Variants in NTN1 observed in about 807,000 individuals in gnomAD.
The protein encoded by NTN1 is netrin-1.
In NTN1, 11 loss-of-function variants were observed where a neutral mutation model predicts 54.2. The observed-to-expected ratio is 0.20, with a 90% CI of 0.13 to 0.34. The LOEUF (loss-of-function observed/expected upper bound fraction) is 0.34, where lower values mean the gene tolerates loss of function less well. Among genes scored for constraint, NTN1 ranks in the 10% least tolerant of loss-of-function variants. NTN1 has a pLI of 1.00. For missense variants in NTN1, 740 were observed against 893.1 expected, an observed-to-expected ratio of 0.83 and a Z score of 2.18; for synonymous variants, 371 against 382.0, an observed-to-expected ratio of 0.97 and a Z score of 0.33.
chr17:9,031,423 G>A (rs886378359), intron 2 of NTN1, among the ~76,000 whole-genome samples: 5 of 152,080 alleles, frequency 3.3e-5, no homozygotes, highest in East Asian at 1.9e-4. Context: ...GGCAATCAAC[G>A]GCAGCATGCT....
intron 6 of NTN1, among the ~76,000 whole-genome samples, chr17:9,231,499 G>A (rs1024734280): frequency 1.3e-5 from 2 of 152,210 alleles, no homozygotes; most frequent in Non-Finnish European, 2.9e-5. Context: ...GACGAGTTCC[G>A]AGCCAAGTCC....
chr17:9,162,776 C>T, intron 2 of NTN1, 37 bp from the exon 3 acceptor site: 1 of 1,577,114 alleles, frequency 6.3e-7, no homozygotes, highest in Non-Finnish European at 8.7e-7. Context: ...CTCCCCGCGC[C>T]CCTGCGGCTG....
At chr17:9,119,725 T>TG (rs2092226362) in intron 2 of NTN1, among the ~76,000 whole-genome samples, 1 of 152,142 alleles carries the variant, frequency 6.6e-6, no homozygotes, top group African/African-American at 2.4e-5. Context: ...CTCGAACTCC[T>TG]GGCCTCAAGC....
chr17:9,057,970 C>T (rs2091984451), intron 2 of NTN1, among the ~76,000 whole-genome samples: 1 of 152,234 alleles, frequency 6.6e-6, no homozygotes, highest in Non-Finnish European at 1.5e-5. Context: ...TCACTGCAAC[C>T]TCCGCCTCCT....
At chr17:9,101,108 T>A (rs1017933214) in intron 2 of NTN1, among the ~76,000 whole-genome samples, 4 of 152,240 alleles carry the variant, frequency 2.6e-5, no homozygotes, top group African/African-American at 9.7e-5. Context: ...TTATTTGTGG[T>A]GTTTATCACA....
At chr17:9,200,229 A>C (rs1904744381) in intron 5 of NTN1, among the ~76,000 whole-genome samples, 1 of 152,230 alleles carries the variant, frequency 6.6e-6, no homozygotes, top group Non-Finnish European at 1.5e-5. Flanking sequence ...ATAGAGAGCC[A>C]ACTGGTTCCC....
chr17:9,191,870 A>AG (rs1186372544), intron 5 of NTN1, among the ~76,000 whole-genome samples: 1 of 92,948 alleles, frequency 1.1e-5, no homozygotes, highest in Non-Finnish European at 2.4e-5. Flanking sequence ...GCTACTAAAA[A>AG]AAAAAAAAAA....
chr17:9,026,382 G>A (rs1449754012), intron 2 of NTN1, among the ~76,000 whole-genome samples: 2 of 114,562 alleles, frequency 1.7e-5, no homozygotes, highest in East Asian at 4.4e-4. Context: ...TGCAGTTTTG[G>A]ATTTCTTCCG....
intron 2 of NTN1, among the ~76,000 whole-genome samples, chr17:9,099,891 A>G (rs1253488901): frequency 6.6e-6 from 1 of 152,224 alleles, no homozygotes; most frequent in Admixed American, 6.5e-5. Flanking sequence ...TAAATAAACA[A>G]TGTGACAAAA....
intron 2 of NTN1, among the ~76,000 whole-genome samples, chr17:9,094,473 T>C (rs1270407799): frequency 2.0e-5 from 3 of 152,174 alleles, no homozygotes; most frequent in Non-Finnish European, 2.9e-5. Flanking sequence ...TATGTACATA[T>C]AAATGTGTAT....
At chr17:9,202,049 CACACACAAAAAAAAAAAAA>C (rs1904804246) in intron 5 of NTN1, among the ~76,000 whole-genome samples, 1 of 26,842 alleles carries the variant, frequency 3.7e-5, no homozygotes, top group Non-Finnish European at 7.1e-5. Context: ...CACACACACA[CACACACAAAAAAAAAAAAA>C]AAAAAAAAAA....
rs16957986 is a variant in NTN1, at chr17:9,182,564, G to A, written c.1358-352G>A. 1.6e-4 allele frequency among the ~76,000 whole-genome samples: 24 copies of A among 152,364 alleles called. No homozygotes were observed. In the East Asian group the frequency reaches 4.4e-3, roughly 28 times the overall value. ...AGCAGGGCCCAGGTAGCCACATCAC[G>A]ATGAGCAGAGTGGCCTGGGGAAGCC... is the stretch of plus-strand genomic sequence containing the variant. On this transcript the variant is annotated intron_variant, in intron 4 of 6. Transcript: ENST00000173229.
chr17:9,097,637 G>A (rs1468781457), intron 2 of NTN1, among the ~76,000 whole-genome samples: 1 of 151,506 alleles, frequency 6.6e-6, no homozygotes, highest in African/African-American at 2.4e-5. Context: ...AACAAAAAAA[G>A]AAAAACAAAA....
At chr17:9,207,984 G>A (rs538182668) in intron 5 of NTN1, among the ~76,000 whole-genome samples, 13 of 152,222 alleles carry the variant, frequency 8.5e-5, no homozygotes, top group South Asian at 2.1e-4. Context: ...CTGTAATCCC[G>A]GCACTTTGGG....
At chr17:9,134,489 C>T (rs2092275183) in intron 2 of NTN1, among the ~76,000 whole-genome samples, 1 of 152,198 alleles carries the variant, frequency 6.6e-6, no homozygotes, top group Admixed American at 6.5e-5. Flanking sequence ...ATATTAGAAT[C>T]ACCTGGAACT....
At chr17:9,188,428 CAAAAA>C (rs1406031857) in intron 5 of NTN1, among the ~76,000 whole-genome samples, 1 of 29,808 alleles carries the variant, frequency 3.4e-5, no homozygotes, top group Non-Finnish European at 6.0e-5. Flanking sequence ...AACTCCATCT[CAAAAA>C]AAAAAAAAAA....
intron 2 of NTN1, among the ~76,000 whole-genome samples, chr17:9,073,157 G>T (rs1352022683): frequency 6.6e-6 from 1 of 152,224 alleles, no homozygotes; most frequent in Non-Finnish European, 1.5e-5. Context: ...GGCCCAAGCA[G>T]CCATGCACAG....
chr17:9,223,693 C>T (rs12939263), intron 6 of NTN1, among the ~76,000 whole-genome samples: 32,768 of 152,174 alleles, frequency 0.22, 3,811 homozygotes, highest in Non-Finnish European at 0.24. Flanking sequence ...CTAGGCAGCC[C>T]TCTTGTGAGA....
chr17:9,090,109 C>T (rs547497405), intron 2 of NTN1, among the ~76,000 whole-genome samples: 34 of 151,910 alleles, frequency 2.2e-4, no homozygotes, highest in Non-Finnish European at 2.9e-4. Flanking sequence ...ACGCCTGTCT[C>T]CTCCCAACTT....
Sources: allele counts gnomAD v4.1 joint callset (sites outside exome capture counted in the v4.1 genomes callset), GRCh38; gene constraint gnomAD v4.1.1; transcripts MANE v1.5; gene names NCBI Gene and HGNC (gene_info 2026-07-23, HGNC 2026-07-21).